AGAP1: variants seen among roughly 807,000 people sequenced by gnomAD.
AGAP1 encodes ArfGAP with GTPase domain, ankyrin repeat and PH domain 1.
In AGAP1, 29 loss-of-function variants were observed where a neutral mutation model predicts 105.3. The ratio of observed to expected loss-of-function variants is 0.28; its 90% CI spans 0.21 to 0.38. AGAP1 has a LOEUF of 0.38. Among genes scored for constraint, AGAP1 ranks in the 10% least tolerant of loss-of-function variants. AGAP1 has a pLI of 1.00. For missense variants in AGAP1, 998 were observed against 1,165.1 expected, an observed-to-expected ratio of 0.86 and a Z score of 2.09; for synonymous variants, 509 against 485.9, an observed-to-expected ratio of 1.05 and a Z score of -0.63.
rs540196992 is a variant in AGAP1 at position 235,923,411 on chromosome 2, G to A, written c.1325-7354G>A. On this transcript the variant is annotated intron_variant, in intron 11 of 17. Coordinates refer to ENST00000304032, the MANE Select transcript of AGAP1 (RefSeq NM_001037131.3). ...TACTGGTACAACATACACATAAGAC[G>A]CACAGAATCATAAGTCATAGCCACG... Among the ~76,000 whole-genome samples the A allele has an allele frequency of 4.6e-5, 7 of 152,200 alleles. No individual in the cohort carries two copies. The East Asian group carries it at 5.8e-4, about 13-fold the overall frequency.
At chr2:235,629,271 TGTGTGTGTGTGTG>T (rs1946745820) in intron 1 of AGAP1, among the ~76,000 whole-genome samples, 1 of 3,536 alleles carries the variant, frequency 2.8e-4, no homozygotes, top group East Asian at 0.033. Context: ...GTAGTCATTG[TGTGTGTGTGTGTG>T]TGTGTGTGTG....
rs2056138294 is a variant in AGAP1 at position 236,001,925 on chromosome 2, A to G, written c.1645+33302A>G. 6.6e-6 allele frequency among the ~76,000 whole-genome samples: 1 copy of G among 152,078 alleles called. No homozygotes were observed. Reference sequence around the variant, plus strand: ...TACTTCCCTGAACATCATTGCACATACATTCTGAAGCGCTCACGCTTTGTT... The same window carrying G: ...TACTTCCCTGAACATCATTGCACATGCATTCTGAAGCGCTCACGCTTTGTT... On this transcript the variant is annotated intron_variant, in intron 13 of 17. Transcript: ENST00000304032. This position sits in a 1 kb window ranked among gnomAD's most constrained non-coding sequence, Gnocchi z 4.7.
intron 1 of AGAP1, among the ~76,000 whole-genome samples, chr2:235,654,446 G>A (rs1027290839): frequency 3.3e-5 from 5 of 152,166 alleles, no homozygotes; most frequent in African/African-American, 1.2e-4. Context: ...ATAAATGATG[G>A]CTTCAGAAGG....
chr2:235,500,504 C>T (rs1032458341), intron 1 of AGAP1, among the ~76,000 whole-genome samples: 1 of 152,218 alleles, frequency 6.6e-6, no homozygotes, highest in East Asian at 1.9e-4. Flanking sequence ...TTGGTATCAT[C>T]TCTGGGCCGT....
In AGAP1 at chr2:235,865,002, A is replaced by G. The variant is rs979446398; in HGVS notation, c.1051-18343A>G. On this transcript the variant is annotated intron_variant, in intron 9 of 17. Coordinates refer to ENST00000304032, the MANE Select transcript of AGAP1 (RefSeq NM_001037131.3). This position sits in a 1 kb window ranked among gnomAD's most constrained non-coding sequence, Gnocchi z 6.2. Reference sequence around the variant, plus strand: ...AGGAGAGAAACACAACAAACTTTTTATTTCTTTCCCTGTCATTGTTCTTGG... The same window carrying G: ...AGGAGAGAAACACAACAAACTTTTTGTTTCTTTCCCTGTCATTGTTCTTGG... Among the ~76,000 whole-genome samples the G allele has an allele frequency of 5.3e-5, 8 of 152,112 alleles. No homozygotes were observed. The highest frequency in any genetic ancestry group is 2.0e-4 in the Admixed American group (3 of 15,284).
At chr2:236,047,472 C>T (rs1051444072) in intron 15 of AGAP1, among the ~76,000 whole-genome samples, 4 of 151,702 alleles carry the variant, frequency 2.6e-5, no homozygotes, top group Admixed American at 1.3e-4. Context: ...GTTCTGACTG[C>T]GCTTTTCAGC....
intron 5 of AGAP1, among the ~76,000 whole-genome samples, chr2:235,748,820 G>A (rs530600354): frequency 6.6e-6 from 1 of 152,182 alleles, no homozygotes; most frequent in South Asian, 2.1e-4. Flanking sequence ...GACTGGTGGA[G>A]AAATCCTGTT....
intron 11 of AGAP1, among the ~76,000 whole-genome samples, chr2:235,923,114 C>G (rs1477118435): frequency 1.3e-5 from 2 of 152,154 alleles, no homozygotes; most frequent in Non-Finnish European, 2.9e-5. Context: ...AGGAAACACT[C>G]TTTCTGAGTT....
chr2:235,948,306 C>T (rs1038302839), intron 12 of AGAP1, among the ~76,000 whole-genome samples: 8 of 151,470 alleles, frequency 5.3e-5, no homozygotes, highest in East Asian at 1.9e-4. Context: ...CCTCAGCCTC[C>T]GGAGAACCTG....
chr2:235,814,270 C>T (rs1958326407), intron 9 of AGAP1, among the ~76,000 whole-genome samples: 1 of 152,232 alleles, frequency 6.6e-6, no homozygotes, highest in African/African-American at 2.4e-5. Flanking sequence ...CCTCCCATTT[C>T]ACCGGGATAA....
At chr2:236,111,804 AAAAG>A (rs2059652668) in intron 16 of AGAP1, among the ~76,000 whole-genome samples, 2 of 151,428 alleles carry the variant, frequency 1.3e-5, no homozygotes, top group East Asian at 1.9e-4. Context: ...AAAAAAAAAA[AAAAG>A]AAAGGGTCCA....
At chr2:235,727,222 G>GC (rs1312509668) in intron 3 of AGAP1, among the ~76,000 whole-genome samples, 4 of 152,160 alleles carry the variant, frequency 2.6e-5, no homozygotes, top group African/African-American at 9.7e-5. Context: ...AGTGGCTTGA[G>GC]CAGGAGTATG....
At chr2:235,819,774 C>T (rs912803397) in intron 9 of AGAP1, among the ~76,000 whole-genome samples, 2 of 152,128 alleles carry the variant, frequency 1.3e-5, no homozygotes, top group South Asian at 2.1e-4. Flanking sequence ...GTGCACACTC[C>T]GAGACATGTT....
chr2:235,843,982 A>G lies in AGAP1; in HGVS notation c.1050+36651A>G, dbSNP rs555310501. Among the ~76,000 whole-genome samples the G allele has an allele frequency of 1.3e-4, 20 of 152,270 alleles. No homozygotes were observed. Among genetic ancestry groups the G allele is most frequent in the Non-Finnish European group, 2.9e-4 (20 of 68,024 alleles). On this transcript the variant is annotated intron_variant, in intron 9 of 17. Coordinates refer to ENST00000304032, the MANE Select transcript of AGAP1 (RefSeq NM_001037131.3). This position sits in a 1 kb window ranked among gnomAD's most constrained non-coding sequence, Gnocchi z 5.9. ...CACTCAGGACCTTGCCCGCTGCCCC[A>G]GCTCAGAGCTTGAACCTCTCCCTCT... is the stretch of plus-strand genomic sequence containing the variant.
chr2:235,675,963 T>C (rs925022507), intron 1 of AGAP1, among the ~76,000 whole-genome samples: 34 of 152,366 alleles, frequency 2.2e-4, no homozygotes, highest in Admixed American at 2.2e-3. Context: ...TAGCAAATTA[T>C]TGGGTTATAC....
At position 235,920,507 on chromosome 2, in the gene AGAP1, C is replaced by T. The variant is rs184386965; in HGVS notation, c.1325-10258C>T. 2.6e-5 allele frequency among the ~76,000 whole-genome samples: 4 copies of T among 152,246 alleles called. No homozygotes were observed. The East Asian group carries it at 7.8e-4, about 30-fold the overall frequency. On this transcript the variant is annotated intron_variant, in intron 11 of 17. Coordinates refer to ENST00000304032, the MANE Select transcript of AGAP1 (RefSeq NM_001037131.3). ...ACTGTACCTCTGACAACATTGGCAT[C>T]GCTCTGATCATCAGACCTTTGGGAT...
rs10469600 is a variant in AGAP1, at chr2:235,508,052, C to T, written c.163+13203C>T. On this transcript the variant is annotated intron_variant, in intron 1 of 17. Coordinates refer to ENST00000304032, the MANE Select transcript of AGAP1 (RefSeq NM_001037131.3). ...TGAGATATTTGGTTTTCTGTTCCTCCGCTGGTTCGCTTATGATATTGGCCT... is the reference window on the plus strand; with the variant it reads ...TGAGATATTTGGTTTTCTGTTCCTCTGCTGGTTCGCTTATGATATTGGCCT... Among the ~76,000 whole-genome samples the T allele has an allele frequency of 1.8e-3, 278 of 152,226 alleles. 1 individual carries two copies. Among genetic ancestry groups the T allele is most frequent in the African/African-American group, 6.3e-3 (260 of 41,528 alleles).
At chr2:235,774,920 A>G (rs1197539555) in intron 6 of AGAP1, among the ~76,000 whole-genome samples, 1 of 152,166 alleles carries the variant, frequency 6.6e-6, no homozygotes, top group Non-Finnish European at 1.5e-5. Flanking sequence ...AAACGAAGCC[A>G]CCACCCCTCT....
rs969997544 is a variant in AGAP1, at chr2:236,113,289, C to T, written c.2115-6903C>T. 7.9e-5 allele frequency among the ~76,000 whole-genome samples: 12 copies of T among 152,056 alleles called. No individual in the cohort carries two copies. The highest frequency in any genetic ancestry group is 1.6e-4 in the Non-Finnish European group (11 of 68,006). On this transcript the variant is annotated intron_variant, in intron 16 of 17. Transcript: ENST00000304032. The surrounding 1 kb of genome is among the most constrained non-coding windows in gnomAD (Gnocchi z 4.3). ...CCGAGTAGCTGGGATTACAGGCATC[C>T]GCCACCATGCCCGGCTAATTTTTGT... is the stretch of plus-strand genomic sequence containing the variant.
Sources: gnomAD v4.1 joint callset for allele counts (sites outside exome capture counted in the v4.1 genomes callset) on GRCh38, gnomAD v4.1.1 for gene constraint, Gnocchi (gnomAD v3.1) non-coding constraint, MANE v1.5 for transcripts, NCBI Gene and HGNC (gene_info 2026-07-23, HGNC 2026-07-21) for gene names.